Variants in HTR3E observed in about 807,000 individuals in gnomAD.
The protein encoded by HTR3E is 5-hydroxytryptamine (serotonin) receptor 3, family member E.
A neutral mutation model predicts 38.0 loss-of-function variants in HTR3E; 38 were observed. That is an observed-to-expected ratio of 1.00 (90% CI 0.77 to 1.31). HTR3E has a LOEUF of 1.31. Among genes scored for constraint, HTR3E ranks in the 50% most tolerant of loss-of-function variants. The pLI, the probability that HTR3E is intolerant of heterozygous loss-of-function variation, is 0.00. For missense variants in HTR3E, 547 were observed against 585.2 expected (o/e 0.93, Z 0.67); for synonymous variants, 210 against 232.9 (o/e 0.90, Z 0.89).
intron 5 of HTR3E, 109 bp downstream of exon 5, chr3:184,105,065 G>A (rs1712340381): frequency 1.7e-6 from 2 of 1,211,594 alleles, no homozygotes; most frequent in South Asian, 3.1e-5. Context: ...GAAGAATAAG[G>A]CTCTATGGAT....
At chr3:184,104,129 T>A (rs2108993260) in intron 3 of HTR3E, 53 bp from the exon 4 acceptor site, 3 of 1,274,448 alleles carry the variant, frequency 2.4e-6, no homozygotes, top group Non-Finnish European at 3.1e-6. Context: ...CTTTTTTTTT[T>A]AAAGAAGAAA....
chr3:184,100,803 TC>T, intron 2 of HTR3E, 152 bp downstream of exon 2: 1 of 1,109,168 alleles, frequency 9.0e-7, no homozygotes, highest in Non-Finnish European at 1.3e-6. Context: ...AGAAGCTCTG[TC>T]CAGGGCAGCA....
intron 1 of HTR3E, among the ~76,000 whole-genome samples, chr3:184,098,612 T>C (rs1034522186): frequency 2.0e-5 from 3 of 148,466 alleles, no homozygotes; most frequent in Non-Finnish European, 4.5e-5. Flanking sequence ...AAGAATTTGC[T>C]GGAAAGCACT....
intron 4 of HTR3E, 73 bp downstream of exon 4, chr3:184,104,364 G>A: frequency 1.3e-6 from 2 of 1,546,154 alleles, no homozygotes; most frequent in South Asian, 1.2e-5. Context: ...TACCATTGGG[G>A]CCACTGTAAG....
chr3:184,101,769 C>A (rs1218526316), intron 3 of HTR3E, among the ~76,000 whole-genome samples: 1 of 151,726 alleles, frequency 6.6e-6, no homozygotes, highest in Non-Finnish European at 1.5e-5. Context: ...GTGGGCAGAT[C>A]ACTTGAGATC....
intron 1 of HTR3E, chr3:184,100,241 G>A: frequency 1.5e-6 from 2 of 1,358,680 alleles, no homozygotes; most frequent in Non-Finnish European, 2.0e-6. Flanking sequence ...TCCTCTTATT[G>A]CACCTTAGTT....
chr3:184,106,065 G>T lies in HTR3E; in HGVS notation c.926-63G>T. 1 of 1,597,558 alleles carries T rather than the reference G, an allele frequency of 6.3e-7. No homozygotes were observed. The highest frequency in any genetic ancestry group is 8.5e-7 in the Non-Finnish European group (1 of 1,169,626). On this transcript the variant is annotated intron_variant, in intron 7 of 8. Transcript: ENST00000415389. This position sits in a 1 kb window ranked among gnomAD's most constrained non-coding sequence, Gnocchi z 4.1. ...GGAGGCCGTATGCCTGCCAGGGTGGGATTGGAAGAGAAGAAATTCTAGGTG... is the reference window on the plus strand; with the variant it reads ...GGAGGCCGTATGCCTGCCAGGGTGGTATTGGAAGAGAAGAAATTCTAGGTG...
intron 1 of HTR3E, 94 bp from the exon 2 acceptor site, chr3:184,100,391 T>A (rs779717629): frequency 6.2e-6 from 10 of 1,613,848 alleles, no homozygotes; most frequent in African/African-American, 1.3e-5. Context: ...TTTCATTTTA[T>A]CACGGGCGAC....
Position 184,106,443 on chromosome 3 carries a change from T to G in HTR3E, c.1142-21T>G. ...ACAGGTGACATTTGCAGCCCATGGC[T>G]GAGTCTCTGTCTTTCTGTAGGTGTG... On this transcript the variant is annotated intron_variant, in intron 8 of 8. Transcript: ENST00000415389. This position sits in a 1 kb window ranked among gnomAD's most constrained non-coding sequence, Gnocchi z 4.1. 1.9e-6 allele frequency: 3 copies of G among 1,565,006 alleles called. No individual in the cohort carries two copies. Among genetic ancestry groups the G allele is most frequent in the South Asian group, 2.4e-5 (2 of 83,128 alleles).
At chr3:184,105,191 G>C (rs763480997) in intron 5 of HTR3E, 76 bp from the exon 6 acceptor site, 4 of 1,463,376 alleles carry the variant, frequency 2.7e-6, no homozygotes, top group Non-Finnish European at 3.7e-6. Flanking sequence ...TTGAAAGAAA[G>C]GATGGAAAAA....
Position 184,104,934 on chromosome 3 carries a change from C to T in HTR3E, c.537C>T (p.Thr179=). 6.2e-7 allele frequency: 1 copy of T among 1,613,866 alleles called. No homozygotes were observed. Among genetic ancestry groups the T allele is most frequent in the Non-Finnish European group, 8.5e-7 (1 of 1,179,908 alleles). The change falls in exon 5 of 9, where the codon ACC becomes ACT. Residue 179 remains threonine, a synonymous_variant. Coordinates refer to ENST00000415389, the MANE Select transcript of HTR3E (RefSeq NM_001256613.2). ...FPFDQQNCTL[T]FSSFLYTVDS... is the part of the protein sequence containing the mutation. ...TCGACCAGCAGAACTGCACACTCAC[C>T]TTCAGCTCATTCCTCTACACAGGTA...
At chr3:184,105,743 C>T (rs1290898010) in intron 6 of HTR3E, 22 bp from the exon 7 acceptor site, 2 of 1,588,056 alleles carry the variant, frequency 1.3e-6, no homozygotes, top group East Asian at 2.2e-5. Context: ...TAACTACTTA[C>T]CACCCTCTCC....
At chr3:184,102,178 G>C (rs4912522) in intron 3 of HTR3E, among the ~76,000 whole-genome samples, 52,432 of 151,958 alleles carry the variant, frequency 0.35, 9,508 homozygotes, top group South Asian at 0.48. Context: ...AAAAAGGTAT[G>C]AACGCCAGGC....
intron 3 of HTR3E, among the ~76,000 whole-genome samples, chr3:184,102,116 T>C (rs1220860396): frequency 6.6e-6 from 1 of 152,172 alleles, no homozygotes; most frequent in African/African-American, 2.4e-5. Flanking sequence ...CATACATAAT[T>C]TTTTGTCACA....
chr3:184,104,054 G>T, intron 3 of HTR3E, 128 bp from the exon 4 acceptor site: 1 of 554,646 alleles, frequency 1.8e-6, no homozygotes, highest in African/African-American at 2.0e-5. Flanking sequence ...AAGTTGGGTT[G>T]TAAATACATA....
At chr3:184,101,687 T>C (rs56015034) in intron 3 of HTR3E, among the ~76,000 whole-genome samples, 158 bp downstream of exon 3, 1 of 152,160 alleles carries the variant, frequency 6.6e-6, no homozygotes, top group Non-Finnish European at 1.5e-5. Context: ...TTTAATACAC[T>C]GCTTTCAAAA....
rs770260068 is a variant in HTR3E at position 184,105,778 on chromosome 3, G to A, written c.734G>A (p.Arg245His). 52 of 1,613,834 alleles carry A rather than the reference G, an allele frequency of 3.2e-5. No individual in the cohort carries two copies. Among genetic ancestry groups the A allele is most frequent in the Middle Eastern group, 3.3e-4 (2 of 6,084 alleles). The change falls in exon 7 of 9, where the codon CGC becomes CAC. Residue 245 changes from arginine to histidine, a missense_variant. By Grantham distance (29) the Arg-to-His change is conservative (BLOSUM62 0). Coordinates refer to ENST00000415389, the MANE Select transcript of HTR3E (RefSeq NM_001256613.2). ...CTACCCCACCAGGTGGCCATCAGGC[G>A]CAGGCCCAGTCTCTATGTCATAAAC... is the stretch of plus-strand genomic sequence containing the variant. ...DQIVFYVAIRRRPSLYVINLL... is the reference protein window; with the variant it reads ...DQIVFYVAIRHRPSLYVINLL...
In HTR3E at chr3:184,106,908, T is replaced by C; in HGVS notation, c.*215T>C. On this transcript the variant is annotated 3_prime_UTR_variant, in exon 9 of 9. Coordinates refer to ENST00000415389, the MANE Select transcript of HTR3E (RefSeq NM_001256613.2). This position sits in a 1 kb window ranked among gnomAD's most constrained non-coding sequence, Gnocchi z 4.1. ...TTGTTGGCTTCCTTCAGTCCTACCA[T>C]ATGGTTCTAGGTCCCTCTTACGTCA... 1 of 605,766 alleles carries C rather than the reference T, an allele frequency of 1.7e-6. No individual in the cohort carries two copies. Among genetic ancestry groups the C allele is most frequent in the South Asian group, 2.1e-5 (1 of 48,414 alleles). The allele number at this position is 605,766 out of a possible 1,614,324, so 37.5% of individuals were successfully genotyped here. A position where few individuals can be genotyped will look rare whatever the true frequency, so the allele number is the denominator to read the frequency against.
chr3:184,104,062 A>G, intron 3 of HTR3E, 120 bp from the exon 4 acceptor site: 2 of 622,840 alleles, frequency 3.2e-6, no homozygotes, highest in South Asian at 3.4e-5. Flanking sequence ...TTGTAAATAC[A>G]TAGATGTTTG....
Sources: gnomAD v4.1 joint callset for allele counts (sites outside exome capture counted in the v4.1 genomes callset) on GRCh38, gnomAD v4.1.1 for gene constraint, Gnocchi (gnomAD v3.1) non-coding constraint, MANE v1.5 for transcripts, NCBI Gene and HGNC (gene_info 2026-07-23, HGNC 2026-07-21) for gene names.